The following TARS1 variants were observed in gnomAD, a reference collection of about 807,000 sequenced individuals.
TARS1 encodes the protein threonine--tRNA ligase 1, cytoplasmic.
Under a neutral mutation model 97.7 loss-of-function variants are expected in TARS1, and 57 were observed. That is an observed-to-expected ratio of 0.58 (90% confidence interval 0.47 to 0.73). The LOEUF (loss-of-function observed/expected upper bound fraction) is 0.73, where lower values mean the gene tolerates loss of function less well. Among genes scored for constraint, TARS1 ranks in the 30% least tolerant of loss-of-function variants. The pLI is 0.00. For synonymous variants in TARS1, 312 were observed against 293.7 expected (o/e 1.06, Z -0.64); for missense variants, 806 against 888.3 (o/e 0.91, Z 1.18).
chr5:33,464,959 A>AG (rs2111601059), intron 17 of TARS1, among the ~76,000 whole-genome samples: 1 of 152,228 alleles, frequency 6.6e-6, no homozygotes, highest in Admixed American at 6.5e-5. Context: ...CCAGCTACTC[A>AG]GGAGGCTGAG....
In TARS1 at chr5:33,445,351, G is replaced by A. The variant is rs1217896175; in HGVS notation, c.85G>A (p.Glu29Lys). The part of the protein sequence containing the change: ...PIGAGEEKQK[E>K]GGKKKNKEGS... ...TGGTGCTGGTGAAGAGAAGCAAAAG[G>A]AAGGAGGCAAAAAGAAGAACAAAGA... is the stretch of plus-strand genomic sequence containing the variant. The change falls in exon 2 of 19, where the codon GAA (glutamate) becomes AAA (lysine). Residue 29 changes from glutamate to lysine, a missense_variant. By Grantham distance (56) the Glu-to-Lys change is moderately conservative. This residue lies in a region of TARS1 where 356 missense variants were observed against 357.8 expected (regional missense o/e 0.99). Transcript: ENST00000265112. 1.2e-6 allele frequency: 2 copies of A among 1,612,958 alleles called. No homozygotes were observed. Among genetic ancestry groups the A allele is most frequent in the African/African-American group, 2.7e-5 (2 of 74,890 alleles).
At position 33,441,004 on chromosome 5, in the gene TARS1, G is replaced by C. The variant is rs1941215253; in HGVS notation, c.-83G>C. 1 of 1,574,144 alleles carries C rather than the reference G, an allele frequency of 6.4e-7. No individual in the cohort carries two copies. Among genetic ancestry groups the C allele is most frequent in the East Asian group, 2.2e-5 (1 of 44,480 alleles). On this transcript the variant is annotated 5_prime_UTR_variant, in exon 1 of 19. Coordinates refer to ENST00000265112, the MANE Select transcript of TARS1 (RefSeq NM_152295.5). ...GTCCAGCCGAGGCCAAGTCCCGGGC[G>C]CTAGCCCACCTCCCACCCGCCTCTT...
intron 17 of TARS1, chr5:33,466,066 T>G (rs946617227): frequency 2.0e-5 from 3 of 152,228 alleles, no homozygotes; most frequent in Non-Finnish European, 4.4e-5. Flanking sequence ...GTGTAACTTC[T>G]GCGTCTACAA....
At chr5:33,444,058 T>C (rs1239825089) in intron 1 of TARS1, among the ~76,000 whole-genome samples, 2 of 152,188 alleles carry the variant, frequency 1.3e-5, no homozygotes, top group Non-Finnish European at 2.9e-5. Context: ...AGCAATGGAA[T>C]ATTATTTGAT....
chr5:33,455,765 G>T, intron 6 of TARS1, 61 bp downstream of exon 6: 1 of 1,213,444 alleles, frequency 8.2e-7, no homozygotes, highest in South Asian at 1.3e-5. Context: ...GTTAGTTGAA[G>T]TGACACCACT....
chr5:33,440,808 G>C, upstream of TARS1: 2 of 538,628 alleles, frequency 3.7e-6, no homozygotes, highest in Non-Finnish European at 6.6e-6. Context: ...AGCTTCTGCA[G>C]TTGCTCCTCC....
At chr5:33,457,217 C>G in intron 8 of TARS1, 40 bp from the exon 9 acceptor site, 1 of 1,600,356 alleles carries the variant, frequency 6.2e-7, no homozygotes, top group Non-Finnish European at 8.5e-7. Flanking sequence ...GAGATGTTTA[C>G]AAATTTGAAT....
intron 8 of TARS1, 40 bp downstream of exon 8, chr5:33,456,267 T>A (rs368220185): frequency 7.9e-5 from 113 of 1,424,626 alleles, no homozygotes; most frequent in Non-Finnish European, 1.1e-4. Flanking sequence ...TGTATCTGTC[T>A]AGAATAGATA....
chr5:33,442,320 C>CTTTTT (rs763508345), intron 1 of TARS1, among the ~76,000 whole-genome samples: 27 of 104,594 alleles, frequency 2.6e-4, no homozygotes, highest in South Asian at 3.4e-4. Context: ...TGTTTTGTAA[C>CTTTTT]TTTTTTTTTT....
chr5:33,457,176 GGCCTCAAA>G, intron 8 of TARS1, 73 bp from the exon 9 acceptor site: 1 of 1,506,422 alleles, frequency 6.6e-7, no homozygotes, highest in Non-Finnish European at 9.0e-7. Context: ...ACTCTAACAA[GGCCTCAAA>G]GCAATTGGGA....
At chr5:33,457,004 T>G (rs752253281) in intron 8 of TARS1, among the ~76,000 whole-genome samples, 1 of 152,148 alleles carries the variant, frequency 6.6e-6, no homozygotes, top group Non-Finnish European at 1.5e-5. Context: ...TCCCTGTGTT[T>G]CCCAGGCTGG....
chr5:33,451,625 G>A (rs1481872820), intron 3 of TARS1, among the ~76,000 whole-genome samples: 6 of 152,126 alleles, frequency 3.9e-5, no homozygotes, highest in East Asian at 3.9e-4. Context: ...CACCCGCCTC[G>A]GCCTCCCAAA....
At chr5:33,451,056 G>A (rs760647067) in intron 3 of TARS1, among the ~76,000 whole-genome samples, 3 of 152,292 alleles carry the variant, frequency 2.0e-5, no homozygotes, top group Non-Finnish European at 2.9e-5. Context: ...GGAGGTTGCA[G>A]TGAGCCAAGA....
In TARS1 at chr5:33,463,818, C is replaced by G; in HGVS notation, c.1901C>G (p.Ala634Gly). 4 of 1,610,890 alleles carry G rather than the reference C, an allele frequency of 2.5e-6. No homozygotes were observed. The highest frequency in any genetic ancestry group is 3.4e-6 in the Non-Finnish European group (4 of 1,178,184). The change falls in exon 17 of 19, where the codon GCC (alanine) becomes GGC (glycine). Residue 634 changes from alanine to glycine, a missense_variant. Ala to Gly is a moderately conservative substitution (Grantham distance 60). Coordinates refer to ENST00000265112, the MANE Select transcript of TARS1 (RefSeq NM_152295.5). ...VPVGPTCDEY[A>G]QKVRQQFHDA... The stretch of plus-strand genomic sequence containing the variant: ...GTGGGACCAACCTGTGATGAATATG[C>G]CCAAAAGGTAAGCCTTAGATATGAA...
At chr5:33,457,677 C>T (rs1253185513) in intron 9 of TARS1, among the ~76,000 whole-genome samples, 1 of 152,208 alleles carries the variant, frequency 6.6e-6, no homozygotes, top group East Asian at 1.9e-4. Flanking sequence ...AGAAGTATAA[C>T]AGCTTCTCAT....
chr5:33,448,787 T>C (rs1051619878), intron 3 of TARS1, 56 bp downstream of exon 3: 2 of 1,284,218 alleles, frequency 1.6e-6, no homozygotes, highest in African/African-American at 3.0e-5. Context: ...TAAACTTCCT[T>C]TTATTATCTT....
chr5:33,453,152 T>C (rs1579582314), intron 3 of TARS1, 137 bp from the exon 4 acceptor site: 1 of 1,141,790 alleles, frequency 8.8e-7, no homozygotes, highest in East Asian at 2.9e-5. Flanking sequence ...TTTTTATCAT[T>C]ATATTTCAGA....
At chr5:33,449,239 G>A (rs1166506280) in intron 3 of TARS1, among the ~76,000 whole-genome samples, 1 of 151,502 alleles carries the variant, frequency 6.6e-6, no homozygotes, top group Admixed American at 6.6e-5. Flanking sequence ...ATAGGGGAGA[G>A]GCTTTCTTAA....
chr5:33,443,523 T>C (rs12522185), intron 1 of TARS1, among the ~76,000 whole-genome samples: 15,151 of 149,286 alleles, frequency 0.1, 1,290 homozygotes, highest in East Asian at 0.22. Context: ...AATGGAGTCT[T>C]GCTCTGTCTC....
Sources: gnomAD v4.1 joint callset for allele counts (sites outside exome capture counted in the v4.1 genomes callset) on GRCh38, gnomAD v4.1.1 for gene constraint, gnomAD v4.1.1 regional missense constraint, MANE v1.5 for transcripts, NCBI Gene and HGNC (gene_info 2026-07-23, HGNC 2026-07-21) for gene names.